CADPS2: variants seen among roughly 807,000 people sequenced by gnomAD.
CADPS2 encodes calcium-dependent secretion activator 2.
A neutral mutation model predicts 172.5 loss-of-function variants in CADPS2; 93 were observed. The observed-to-expected ratio is 0.54, with a 90% confidence interval of 0.46 to 0.64. CADPS2 has a LOEUF of 0.64. CADPS2 is among the 30% of genes least tolerant of loss of function. The probability of loss-of-function intolerance (pLI) is 0.00; values close to 1 mark genes in which losing one functional copy is unlikely to be tolerated. For missense variants in CADPS2, 1,420 were observed against 1,565.9 expected, an observed-to-expected ratio of 0.91 and a Z score of 1.57; for synonymous variants, 546 against 555.2, an observed-to-expected ratio of 0.98 and a Z score of 0.23.
At chr7:122,448,907 A>G (rs989045636) in intron 15 of CADPS2, among the ~76,000 whole-genome samples, 5 of 152,172 alleles carry the variant, frequency 3.3e-5, no homozygotes, top group African/African-American at 1.2e-4. Context: ...TGTAGGCTTA[A>G]CGGCTAAGGT....
intron 2 of CADPS2, among the ~76,000 whole-genome samples, chr7:122,729,676 G>GTT (rs56993717): frequency 0.066 from 6,256 of 94,216 alleles, 225 homozygotes; most frequent in South Asian, 0.17. Context: ...ATTTTTAACG[G>GTT]TTTTTTTTTT....
At chr7:122,838,012 T>C (rs180796356) in intron 1 of CADPS2, among the ~76,000 whole-genome samples, 147 of 152,342 alleles carry the variant, frequency 9.6e-4, no homozygotes, top group Middle Eastern at 3.4e-3. Flanking sequence ...CTGATGAATA[T>C]TGATGCAAAA....
chr7:122,623,209 G>A (rs1424539666), intron 4 of CADPS2, among the ~76,000 whole-genome samples: 2 of 137,634 alleles, frequency 1.5e-5, no homozygotes, highest in African/African-American at 5.6e-5. Flanking sequence ...CAACTACCCA[G>A]CTATAAAATA....
At chr7:122,695,391 T>A (rs925462631) in intron 2 of CADPS2, among the ~76,000 whole-genome samples, 2 of 152,192 alleles carry the variant, frequency 1.3e-5, no homozygotes, top group East Asian at 3.8e-4. Flanking sequence ...GAGAAAATGG[T>A]ATATAGCCCA....
At chr7:122,752,791 A>G (rs1190414808) in intron 1 of CADPS2, among the ~76,000 whole-genome samples, 3 of 152,178 alleles carry the variant, frequency 2.0e-5, no homozygotes, top group Non-Finnish European at 2.9e-5. Context: ...ACAGCTTAAC[A>G]CTAGCTCAAC....
intron 1 of CADPS2, among the ~76,000 whole-genome samples, chr7:122,763,609 T>C (rs1478633062): frequency 6.6e-6 from 1 of 152,192 alleles, no homozygotes; most frequent in Non-Finnish European, 1.5e-5. Flanking sequence ...TCTTTGTCCA[T>C]TTTAATTCAT....
chr7:122,556,525 A>G (rs1188837804), intron 7 of CADPS2, among the ~76,000 whole-genome samples: 1 of 152,154 alleles, frequency 6.6e-6, no homozygotes, highest in Non-Finnish European at 1.5e-5. Context: ...ACAGGAAGGG[A>G]ATATTTAAAT....
chr7:122,736,236 C>A (rs1251641432), intron 2 of CADPS2, among the ~76,000 whole-genome samples: 1 of 152,104 alleles, frequency 6.6e-6, no homozygotes, highest in Non-Finnish European at 1.5e-5. Context: ...CATTGTATCT[C>A]CACATTTTCC....
intron 12 of CADPS2, among the ~76,000 whole-genome samples, chr7:122,477,630 CAG>C (rs1199089518): frequency 6.7e-6 from 1 of 148,734 alleles, no homozygotes; most frequent in African/African-American, 2.5e-5. Flanking sequence ...AGGAGAGAAA[CAG>C]ATGTAATACG....
intron 14 of CADPS2, among the ~76,000 whole-genome samples, chr7:122,459,763 A>G (rs892498401): frequency 6.6e-6 from 1 of 152,236 alleles, no homozygotes; most frequent in African/African-American, 2.4e-5. Flanking sequence ...GCCCAATGTC[A>G]TTCAATTATT....
chr7:122,866,033 A>G (rs1270315756), intron 1 of CADPS2, among the ~76,000 whole-genome samples: 2 of 152,242 alleles, frequency 1.3e-5, no homozygotes, highest in African/African-American at 4.8e-5. Flanking sequence ...TTAATAGTTA[A>G]AAGAATTTCT....
intron 3 of CADPS2, among the ~76,000 whole-genome samples, chr7:122,656,013 C>T (rs1588165270): frequency 6.6e-6 from 1 of 152,148 alleles, no homozygotes; most frequent in Non-Finnish European, 1.5e-5. Context: ...GGGGAAACCA[C>T]TAACCAAAAT....
At chr7:122,332,366 A>G (rs2035100821) in intron 28 of CADPS2, among the ~76,000 whole-genome samples, 1 of 150,748 alleles carries the variant, frequency 6.6e-6, no homozygotes, top group African/African-American at 2.4e-5. Context: ...CCATAGTAGA[A>G]CTCTATATAT....
At chr7:122,822,557 G>T (rs7804846) in intron 1 of CADPS2, among the ~76,000 whole-genome samples, 11,426 of 121,966 alleles carry the variant, frequency 0.094, 609 homozygotes, top group Middle Eastern at 0.18. Context: ...GAAATGTCAG[G>T]CCTCTGAGCC....
At chr7:122,694,621 A>G (rs1419812956) in intron 2 of CADPS2, among the ~76,000 whole-genome samples, 1 of 152,196 alleles carries the variant, frequency 6.6e-6, no homozygotes, top group African/African-American at 2.4e-5. Context: ...ACTTACTGGT[A>G]GGAAAGAGAC....
chr7:122,454,422 C>A (rs1049544628), intron 14 of CADPS2, among the ~76,000 whole-genome samples: 1 of 152,060 alleles, frequency 6.6e-6, no homozygotes, highest in African/African-American at 2.4e-5. Context: ...TACCCTTACT[C>A]TCTTCCTGCT....
At chr7:122,558,081 T>A (rs1365363749) in intron 7 of CADPS2, among the ~76,000 whole-genome samples, 3 of 152,360 alleles carry the variant, frequency 2.0e-5, no homozygotes, top group Non-Finnish European at 4.4e-5. Flanking sequence ...ACAAACCTGA[T>A]ATTATTTTGA....
chr7:122,582,132 G>A (rs963323706), intron 6 of CADPS2, among the ~76,000 whole-genome samples: 3 of 152,014 alleles, frequency 2.0e-5, no homozygotes, highest in African/African-American at 7.2e-5. Flanking sequence ...AGAAAAAAAT[G>A]AGATTTAACA....
chr7:122,767,132 AG>A (rs1447024186), intron 1 of CADPS2, among the ~76,000 whole-genome samples: 1 of 152,190 alleles, frequency 6.6e-6, no homozygotes, highest in African/African-American at 2.4e-5. Flanking sequence ...AGATGTTTCT[AG>A]AAATTTTATT....
Sources: allele counts gnomAD v4.1 joint callset (sites outside exome capture counted in the v4.1 genomes callset), GRCh38; gene constraint gnomAD v4.1.1; transcripts MANE v1.5; gene names NCBI Gene and HGNC (gene_info 2026-07-23, HGNC 2026-07-21).